The following LCLAT1 variants were observed in gnomAD, a reference collection of about 807,000 sequenced individuals.
LCLAT1 encodes the protein lysocardiolipin acyltransferase 1.
LCLAT1 carries 11 observed loss-of-function variants against 30.7 expected under a neutral mutation model. The observed-to-expected ratio is 0.36, with a 90% CI of 0.23 to 0.59. The LOEUF (loss-of-function observed/expected upper bound fraction) is 0.59, where lower values mean the gene tolerates loss of function less well. Among genes scored for constraint, LCLAT1 ranks in the 20% least tolerant of loss-of-function variants. The probability of loss-of-function intolerance (pLI) is 0.77; values close to 1 mark genes in which losing one functional copy is unlikely to be tolerated. For synonymous variants in LCLAT1, 155 were observed against 151.3 expected (o/e 1.02, Z -0.18); for missense variants, 402 against 458.6 (o/e 0.88, Z 1.13).
intron 1 of LCLAT1, among the ~76,000 whole-genome samples, chr2:30,490,491 C>T (rs1439868710): frequency 2.0e-5 from 3 of 151,936 alleles, no homozygotes; most frequent in Non-Finnish European, 2.9e-5. Context: ...GCACCTGGCC[C>T]GGGGCTACCC....
intron 5 of LCLAT1, among the ~76,000 whole-genome samples, chr2:30,639,863 T>G (rs1669212448): frequency 6.6e-6 from 1 of 152,334 alleles, no homozygotes. Context: ...AATGGCAGAT[T>G]ACTGTTTCTG....
intron 1 of LCLAT1, among the ~76,000 whole-genome samples, chr2:30,510,935 T>G (rs972926012): frequency 6.6e-6 from 1 of 152,228 alleles, no homozygotes; most frequent in African/African-American, 2.4e-5. Flanking sequence ...TGTTATTGTT[T>G]CCTGATTGCA....
intron 5 of LCLAT1, among the ~76,000 whole-genome samples, chr2:30,628,460 AG>A (rs986356315): frequency 6.6e-6 from 1 of 152,230 alleles, no homozygotes; most frequent in Non-Finnish European, 1.5e-5. Flanking sequence ...ATTGCAAAAC[AG>A]TTGTTCCAGG....
chr2:30,488,347 A>G (rs1683660529), intron 1 of LCLAT1, among the ~76,000 whole-genome samples: 1 of 152,262 alleles, frequency 6.6e-6, no homozygotes, highest in Admixed American at 6.5e-5. Flanking sequence ...TGCTAAAGTA[A>G]CAGTAGATTA....
chr2:30,641,802 A>G lies in LCLAT1; in HGVS notation c.*1183A>G. ...CCAAATATTCTTGTCATTTGGAGTCAGTGGAAAATCCAGCACACCAAGCAC... is the reference window on the plus strand; with the variant it reads ...CCAAATATTCTTGTCATTTGGAGTCGGTGGAAAATCCAGCACACCAAGCAC... On this transcript the variant is annotated 3_prime_UTR_variant, in exon 6 of 6. Coordinates refer to ENST00000379509, the MANE Select transcript of LCLAT1 (RefSeq NM_001002257.3). 1 of 152,086 alleles carries G rather than the reference A, an allele frequency of 6.6e-6. No individual in the cohort carries two copies. Among genetic ancestry groups the G allele is most frequent in the East Asian group, 1.9e-4 (1 of 5,198 alleles). 9.4% of individuals were successfully genotyped at this position (152,086 alleles called of 1,614,324 possible).
intron 1 of LCLAT1, among the ~76,000 whole-genome samples, chr2:30,485,859 T>C (rs557778626): frequency 1.3e-5 from 2 of 152,204 alleles, no homozygotes. Flanking sequence ...TACTGCTTTC[T>C]TAAACTCCCT....
At chr2:30,454,692 T>C (rs1681735037) in intron 1 of LCLAT1, among the ~76,000 whole-genome samples, 1 of 151,866 alleles carries the variant, frequency 6.6e-6, no homozygotes. Flanking sequence ...CAAGTGATTC[T>C]CCCTCTTCGA....
intron 5 of LCLAT1, among the ~76,000 whole-genome samples, chr2:30,575,331 A>C (rs1415492269): frequency 6.6e-6 from 1 of 151,462 alleles, no homozygotes; most frequent in South Asian, 2.1e-4. Context: ...ATTTGTTTTT[A>C]TATCTGAGGT....
intron 3 of LCLAT1, among the ~76,000 whole-genome samples, chr2:30,538,521 G>A (rs1026885390): frequency 2.6e-5 from 4 of 152,028 alleles, no homozygotes; most frequent in African/African-American, 9.7e-5. Context: ...TGTAATCCCA[G>A]CTCCTTGGGA....
At chr2:30,509,092 T>C (rs1195302315) in intron 1 of LCLAT1, among the ~76,000 whole-genome samples, 1 of 152,212 alleles carries the variant, frequency 6.6e-6, no homozygotes, top group Non-Finnish European at 1.5e-5. Context: ...TATATAGGAA[T>C]ATTAGTGATT....
chr2:30,608,901 T>A (rs956796391), intron 5 of LCLAT1, among the ~76,000 whole-genome samples: 1 of 152,164 alleles, frequency 6.6e-6, no homozygotes, highest in Non-Finnish European at 1.5e-5. Context: ...TACTACATAA[T>A]AGATACTCCC....
rs562686503 is a variant in LCLAT1 at position 30,597,790 on chromosome 2, C to G, written c.628+29614C>G. On this transcript the variant is annotated intron_variant, in intron 5 of 5. Coordinates refer to ENST00000379509, the MANE Select transcript of LCLAT1 (RefSeq NM_001002257.3). ...ATCCTGGCTGTGAGTTTGTCATAAA[C>G]AGCTATTATTAATATTTTGAGGTAC... 5.5e-4 allele frequency among the ~76,000 whole-genome samples: 83 copies of G among 152,040 alleles called. 2 individuals are homozygous for G. Among genetic ancestry groups the G allele is most frequent in the Non-Finnish European group, 1.2e-4 (8 of 67,974 alleles).
intron 5 of LCLAT1, among the ~76,000 whole-genome samples, chr2:30,570,224 G>A (rs148814455): frequency 6.6e-6 from 1 of 152,250 alleles, no homozygotes; most frequent in African/African-American, 2.4e-5. Flanking sequence ...TTTCCTGCCA[G>A]TTGTGACAGC....
chr2:30,608,342 C>T (rs1667563777), intron 5 of LCLAT1, among the ~76,000 whole-genome samples: 1 of 151,288 alleles, frequency 6.6e-6, no homozygotes, highest in Non-Finnish European at 1.5e-5. Flanking sequence ...AAAAAAGTTA[C>T]AGTAAGCTAA....
At chr2:30,496,080 G>A (rs961118987) in intron 1 of LCLAT1, among the ~76,000 whole-genome samples, 1 of 152,104 alleles carries the variant, frequency 6.6e-6, no homozygotes, top group Admixed American at 6.6e-5. Context: ...AAGCTGGATT[G>A]CCTTACATGG....
At chr2:30,523,275 T>C (rs1685562538) in intron 1 of LCLAT1, among the ~76,000 whole-genome samples, 1 of 151,730 alleles carries the variant, frequency 6.6e-6, no homozygotes, top group African/African-American at 2.4e-5. Context: ...AGGTTTTTTT[T>C]TTTTTTCTGG....
chr2:30,552,643 T>C, intron 3 of LCLAT1: 1 of 318,796 alleles, frequency 3.1e-6, no homozygotes, highest in Non-Finnish European at 6.5e-6. Context: ...ATTACCCAGT[T>C]TGTAATGTGA....
chr2:30,631,209 G>C (rs898493146), intron 5 of LCLAT1, among the ~76,000 whole-genome samples: 1 of 152,162 alleles, frequency 6.6e-6, no homozygotes, highest in East Asian at 1.9e-4. Flanking sequence ...GGTGTCAGCT[G>C]TATGTGGTTT....
At chr2:30,601,046 C>T (rs1172529218) in intron 5 of LCLAT1, among the ~76,000 whole-genome samples, 5 of 152,108 alleles carry the variant, frequency 3.3e-5, no homozygotes, top group African/African-American at 1.2e-4. Context: ...TCTTCAAGCT[C>T]TGAGATCCTT....
Sources: gnomAD v4.1 joint callset for allele counts (sites outside exome capture counted in the v4.1 genomes callset) on GRCh38, gnomAD v4.1.1 for gene constraint, MANE v1.5 for transcripts, NCBI Gene and HGNC (gene_info 2026-07-23, HGNC 2026-07-21) for gene names.